EYA2: variants seen among roughly 807,000 people sequenced by gnomAD.
The protein encoded by EYA2 is EYA transcriptional coactivator and phosphatase 2.
EYA2 carries 31 observed loss-of-function variants against 69.2 expected under a neutral mutation model. The observed-to-expected ratio is 0.45, with a 90% CI of 0.34 to 0.60. The LOEUF is 0.60. Among genes scored for constraint, EYA2 ranks in the 20% least tolerant of loss-of-function variants. EYA2 has a pLI of 0.02. For missense variants in EYA2, 622 were observed against 701.2 expected (o/e 0.89, Z 1.28); for synonymous variants, 257 against 279.4 (o/e 0.92, Z 0.80).
At chr20:46,955,737 T>C (rs1979086529) in intron 1 of EYA2, among the ~76,000 whole-genome samples, 1 of 152,234 alleles carries the variant, frequency 6.6e-6, no homozygotes, top group Non-Finnish European at 1.5e-5. Flanking sequence ...ATTTTTTCAC[T>C]GTTAGTACAT....
Position 47,170,199 on chromosome 20 carries a change from C to T in EYA2, c.1037+1002C>T, listed in dbSNP as rs151036448. On this transcript the variant is annotated intron_variant, in intron 11 of 15. Coordinates refer to ENST00000327619, the MANE Select transcript of EYA2 (RefSeq NM_005244.5). ...CTGGGGTTACAGGCGTGAGCCACCG[C>T]ACCCGACCAGCATGCATATATTTTT... is the stretch of plus-strand genomic sequence containing the variant. Among the ~76,000 whole-genome samples the T allele has an allele frequency of 8.4e-3, 1,276 of 152,136 alleles. 20 individuals carry two copies. The highest frequency in any genetic ancestry group is 0.03 in the African/African-American group (1,228 of 41,504).
At chr20:46,942,430 G>A (rs1986195345) in intron 1 of EYA2, among the ~76,000 whole-genome samples, 1 of 152,000 alleles carries the variant, frequency 6.6e-6, no homozygotes, top group South Asian at 2.1e-4. Context: ...TTTTAGGGGG[G>A]GAAAACTCTC....
chr20:47,060,230 C>G (rs2030817140), intron 5 of EYA2, among the ~76,000 whole-genome samples: 1 of 152,186 alleles, frequency 6.6e-6, no homozygotes, highest in African/African-American at 2.4e-5. Context: ...GTGTATTTAA[C>G]AAGAACTCTC....
chr20:47,009,257 C>T (rs576064343), intron 4 of EYA2, among the ~76,000 whole-genome samples: 1 of 152,170 alleles, frequency 6.6e-6, no homozygotes, highest in Non-Finnish European at 1.5e-5. Flanking sequence ...GATGAAAAGC[C>T]GTTTCCCTTT....
intron 1 of EYA2, among the ~76,000 whole-genome samples, chr20:46,950,053 A>G (rs898486895): frequency 6.6e-6 from 1 of 152,220 alleles, no homozygotes; most frequent in Non-Finnish European, 1.5e-5. Context: ...TCCACTGTGC[A>G]TGCAAAGTGC....
intron 1 of EYA2, among the ~76,000 whole-genome samples, chr20:46,904,482 G>A (rs1236351278): frequency 6.6e-6 from 1 of 151,878 alleles, no homozygotes; most frequent in Non-Finnish European, 1.5e-5. Context: ...CAAGCTTAAA[G>A]GCCAGGGAGT....
At chr20:47,150,745 GC>G (rs1201259091) in intron 10 of EYA2, among the ~76,000 whole-genome samples, 3 of 152,006 alleles carry the variant, frequency 2.0e-5, no homozygotes, top group Non-Finnish European at 4.4e-5. Context: ...GGGATTACAG[GC>G]ATGAGCCACC....
At position 46,928,217 on chromosome 20, in the gene EYA2, T is replaced by C. The variant is rs371977290; in HGVS notation, c.-11+33230T>C. 1.9e-4 allele frequency among the ~76,000 whole-genome samples: 29 copies of C among 152,292 alleles called. 1 individual carries two copies. In the East Asian group the frequency reaches 5.0e-3, roughly 26 times the overall value. ...ACTGCTTTTACTGACTTCATCACTG[T>C]GTTCAGTGAGTTCCAGGACGTGAGT... On this transcript the variant is annotated intron_variant, in intron 1 of 15. Coordinates refer to ENST00000327619, the MANE Select transcript of EYA2 (RefSeq NM_005244.5).
At chr20:47,115,257 A>T (rs533799000) in intron 9 of EYA2, among the ~76,000 whole-genome samples, 5 of 152,220 alleles carry the variant, frequency 3.3e-5, no homozygotes, top group Middle Eastern at 3.4e-3. Context: ...CCAGGGAAGC[A>T]GACTGCTCCC....
chr20:46,931,712 ACT>A (rs976772739), intron 1 of EYA2, among the ~76,000 whole-genome samples: 25 of 152,090 alleles, frequency 1.6e-4, no homozygotes, highest in African/African-American at 5.3e-4. Flanking sequence ...GGGGTGGCTG[ACT>A]CTGCTTCTTT....
intron 3 of EYA2, 183 bp from the exon 4 acceptor site, chr20:47,004,759 A>G: frequency 1.3e-6 from 1 of 789,594 alleles, no homozygotes. Flanking sequence ...CACAGGAGAC[A>G]GAAAATGTAA....
At chr20:47,149,427 G>C (rs2033773315) in intron 10 of EYA2, among the ~76,000 whole-genome samples, 1 of 151,988 alleles carries the variant, frequency 6.6e-6, no homozygotes, top group Non-Finnish European at 1.5e-5. Flanking sequence ...CATGGCGTTT[G>C]GTGGCCCTAA....
chr20:47,161,875 C>G (rs1305966344), intron 10 of EYA2, among the ~76,000 whole-genome samples: 1 of 152,224 alleles, frequency 6.6e-6, no homozygotes, highest in Non-Finnish European at 1.5e-5. Flanking sequence ...CTCCTCTTCC[C>G]CTCGCCTTGG....
chr20:47,031,355 C>A (rs541346241), intron 5 of EYA2, among the ~76,000 whole-genome samples: 6 of 152,274 alleles, frequency 3.9e-5, no homozygotes, highest in Non-Finnish European at 7.4e-5. Context: ...TAAAACAGGG[C>A]AGGTGATCTG....
chr20:46,960,350 G>C (rs915802632), intron 1 of EYA2, among the ~76,000 whole-genome samples: 3 of 152,210 alleles, frequency 2.0e-5, no homozygotes, highest in African/African-American at 7.2e-5. Flanking sequence ...TCTCAGGACT[G>C]TCTGATGCCA....
Position 47,107,145 on chromosome 20 carries a change from G to A in EYA2, c.888+9977G>A, listed in dbSNP as rs569069377. On this transcript the variant is annotated intron_variant, in intron 9 of 15. Coordinates refer to ENST00000327619, the MANE Select transcript of EYA2 (RefSeq NM_005244.5). ...GTACTGTTCTAGGCCCTGGGGATGCGGCAGGGAACAAAGTCCATTAAAAAC... is the reference window on the plus strand; with the variant it reads ...GTACTGTTCTAGGCCCTGGGGATGCAGCAGGGAACAAAGTCCATTAAAAAC... Among the ~76,000 whole-genome samples the A allele has an allele frequency of 1.1e-4, 16 of 152,176 alleles. No homozygotes were observed. The South Asian group carries it at 2.5e-3, about 24-fold the overall frequency.
At chr20:46,934,420 A>G (rs1194543592) in intron 1 of EYA2, among the ~76,000 whole-genome samples, 4 of 152,054 alleles carry the variant, frequency 2.6e-5, no homozygotes, top group East Asian at 2.0e-4. Context: ...CAGTGGCAGC[A>G]GAAAGAGGGC....
At chr20:46,966,448 A>C (rs12106007) in intron 1 of EYA2, among the ~76,000 whole-genome samples, 6,039 of 152,262 alleles carry the variant, frequency 0.04, 314 homozygotes, top group African/African-American at 0.12. Flanking sequence ...GAAAAATATA[A>C]CATGCTTTAC....
At chr20:46,940,761 C>T (rs752271353) in intron 1 of EYA2, among the ~76,000 whole-genome samples, 1 of 152,158 alleles carries the variant, frequency 6.6e-6, no homozygotes, top group Non-Finnish European at 1.5e-5. Context: ...CTGGTGGCAT[C>T]GGGGGCTATG....
Sources: allele counts gnomAD v4.1 joint callset (sites outside exome capture counted in the v4.1 genomes callset), GRCh38; gene constraint gnomAD v4.1.1; transcripts MANE v1.5; gene names NCBI Gene and HGNC (gene_info 2026-07-23, HGNC 2026-07-21).